The following TTC6 variants were observed in gnomAD, a reference collection of about 807,000 sequenced individuals.
The protein encoded by TTC6 is tetratricopeptide repeat domain 6.
In TTC6, 172 loss-of-function variants were observed where a neutral mutation model predicts 210.4. The ratio of observed to expected loss-of-function variants is 0.82; its 90% confidence interval spans 0.72 to 0.93. TTC6 has a LOEUF of 0.93. Ranked by LOEUF, TTC6 falls within the 40% of genes least tolerant of loss-of-function variation. The pLI is 0.00. For missense variants in TTC6, 2,414 were observed against 2,318.1 expected, an observed-to-expected ratio of 1.04 and a Z score of -0.85; for synonymous variants, 804 against 819.6, an observed-to-expected ratio of 0.98 and a Z score of 0.32.
chr14:37,794,349 CA>C (rs1328095064), intron 17 of TTC6, among the ~76,000 whole-genome samples: 3 of 152,170 alleles, frequency 2.0e-5, no homozygotes, highest in Non-Finnish European at 2.9e-5. Context: ...ACCATCTCTA[CA>C]GGTACTGCCT....
intron 7 of TTC6, among the ~76,000 whole-genome samples, chr14:37,730,402 A>G (rs773862420): frequency 6.6e-6 from 1 of 152,178 alleles, no homozygotes; most frequent in Non-Finnish European, 1.5e-5. Flanking sequence ...CAGAATTTAT[A>G]TCCTTTCCAT....
At chr14:37,797,533 T>C (rs1463304409) in intron 20 of TTC6, among the ~76,000 whole-genome samples, 5 of 152,002 alleles carry the variant, frequency 3.3e-5, no homozygotes, top group Admixed American at 2.6e-4. Context: ...AGATATAAAT[T>C]CTGTATACTA....
chr14:37,659,442 A>T (rs1462230371), intron 1 of TTC6, among the ~76,000 whole-genome samples: 1 of 151,956 alleles, frequency 6.6e-6, no homozygotes, highest in Admixed American at 6.6e-5. Flanking sequence ...CCTCTCCAGC[A>T]TCTGTTATTT....
chr14:37,677,077 G>A (rs1013268211), intron 1 of TTC6, among the ~76,000 whole-genome samples: 6 of 151,936 alleles, frequency 3.9e-5, no homozygotes, highest in Non-Finnish European at 2.9e-5. Flanking sequence ...TTTAGGATCA[G>A]TTTTTCTATT....
intron 10 of TTC6, among the ~76,000 whole-genome samples, chr14:37,741,482 G>T (rs1672896129): frequency 6.6e-6 from 1 of 151,812 alleles, no homozygotes; most frequent in South Asian, 2.1e-4. Flanking sequence ...TAGAGACAGG[G>T]TTTTGTCATG....
intron 1 of TTC6, among the ~76,000 whole-genome samples, chr14:37,641,678 ATAAG>A (rs1460444045): frequency 2.0e-5 from 3 of 152,236 alleles, no homozygotes; most frequent in Non-Finnish European, 4.4e-5. Flanking sequence ...TATTGAAACT[ATAAG>A]TAATATGTTC....
At chr14:37,700,053 A>G (rs1238131234) in intron 4 of TTC6, among the ~76,000 whole-genome samples, 1 of 152,178 alleles carries the variant, frequency 6.6e-6, no homozygotes, top group Non-Finnish European at 1.5e-5. Flanking sequence ...CAAGTTATTC[A>G]TATTCTCAGC....
chr14:37,823,766 G>A (rs1004917686), exon 27 of TTC6: 3 of 1,613,770 alleles, frequency 1.9e-6, no homozygotes, highest in Non-Finnish European at 1.7e-6. Flanking sequence ...GTTTGAAGAA[G>A]CTGTCAATTT....
At chr14:37,791,210 T>C (rs916556263) in intron 16 of TTC6, among the ~76,000 whole-genome samples, 21 of 152,116 alleles carry the variant, frequency 1.4e-4, no homozygotes, top group Middle Eastern at 3.2e-3. Flanking sequence ...TTCTGCTTGG[T>C]GTATGATTGC....
chr14:37,824,646 A>T (rs899794982), intron 27 of TTC6, among the ~76,000 whole-genome samples: 1 of 152,200 alleles, frequency 6.6e-6, no homozygotes, highest in African/African-American at 2.4e-5. Flanking sequence ...TGAATAATTG[A>T]TTATAATCAT....
rs1277510122 is a variant in TTC6, at chr14:37,682,967, A to T, written c.1257+3A>T. 6.5e-7 allele frequency: 1 copy of T among 1,534,636 alleles called. No homozygotes were observed. Among genetic ancestry groups the T allele is most frequent in the South Asian group, 1.2e-5 (1 of 84,036 alleles). On this transcript the variant is annotated splice_donor_region_variant and intron_variant, in intron 3 of 30. Transcript: ENST00000553443. ...AAGCCAAGTGGGTGTCTTTAACGGTAAGAAACTATTTATGTTGGAAACACC... is the reference window on the plus strand; with the variant it reads ...AAGCCAAGTGGGTGTCTTTAACGGTTAGAAACTATTTATGTTGGAAACACC...
intron 1 of TTC6, among the ~76,000 whole-genome samples, chr14:37,659,764 G>A (rs963749637): frequency 3.3e-5 from 5 of 152,064 alleles, no homozygotes; most frequent in African/African-American, 7.2e-5. Context: ...CAGGTGATCC[G>A]CCCACCTTGG....
rs184470265 is a variant in TTC6, at chr14:37,738,543, A to G, written c.1984-233A>G. On this transcript the variant is annotated intron_variant, in intron 9 of 30. Transcript: ENST00000553443. Reference sequence around the variant, plus strand: ...ATATCTAATTTATAGTGCTGTTTACATATATCTAATGAAATGTCATATGAC... The same window carrying G: ...ATATCTAATTTATAGTGCTGTTTACGTATATCTAATGAAATGTCATATGAC... Among the ~76,000 whole-genome samples the G allele has an allele frequency of 2.9e-3, 435 of 152,260 alleles. 3 individuals carry two copies. Among genetic ancestry groups the G allele is most frequent in the African/African-American group, 9.5e-3 (393 of 41,572 alleles).
At chr14:37,760,622 C>G (rs767380702) in intron 14 of TTC6, among the ~76,000 whole-genome samples, 1 of 152,150 alleles carries the variant, frequency 6.6e-6, no homozygotes, top group Non-Finnish European at 1.5e-5. Flanking sequence ...CCACAGCTGC[C>G]CCTTTCCTCA....
intron 1 of TTC6, among the ~76,000 whole-genome samples, chr14:37,623,776 A>G (rs1410107806): frequency 6.6e-6 from 1 of 152,212 alleles, no homozygotes; most frequent in Non-Finnish European, 1.5e-5. Context: ...AGGACAGCCC[A>G]TTGATTCACT....
intron 5 of TTC6, among the ~76,000 whole-genome samples, chr14:37,714,356 AAAG>A (rs2095849148): frequency 6.8e-6 from 1 of 146,398 alleles, no homozygotes; most frequent in African/African-American, 2.5e-5. Context: ...ATCAGAAGGT[AAAG>A]AAGTTTTTTT....
At chr14:37,597,754 C>G (rs919340056) in intron 1 of TTC6, among the ~76,000 whole-genome samples, 2 of 152,040 alleles carry the variant, frequency 1.3e-5, no homozygotes, top group African/African-American at 4.8e-5. Flanking sequence ...AGAGGGAAAG[C>G]TGAATTTTCC....
intron 14 of TTC6, among the ~76,000 whole-genome samples, chr14:37,783,293 T>C (rs1392645353): frequency 6.6e-6 from 1 of 152,196 alleles, no homozygotes; most frequent in African/African-American, 2.4e-5. Flanking sequence ...TCTTAATTAT[T>C]GCCTCAATTT....
At chr14:37,738,686 A>C in intron 9 of TTC6, 90 bp from the exon 12 acceptor site, 2 of 1,088,330 alleles carry the variant, frequency 1.8e-6, no homozygotes, top group East Asian at 5.4e-5. Flanking sequence ...AAACCACATT[A>C]ATAGTAATTG....
Sources: allele counts gnomAD v4.1 joint callset (sites outside exome capture counted in the v4.1 genomes callset), GRCh38; gene constraint gnomAD v4.1.1; transcripts MANE v1.5; gene names NCBI Gene and HGNC (gene_info 2026-07-23, HGNC 2026-07-21).